The following CSMD1 variants were observed in gnomAD, a reference collection of about 807,000 sequenced individuals.
The protein encoded by CSMD1 is CUB and Sushi multiple domains 1, also known as CUB and sushi domain-containing protein 1.
A neutral mutation model predicts 417.5 loss-of-function variants in CSMD1; 213 were observed. The ratio of observed to expected loss-of-function variants is 0.51; its 90% confidence interval spans 0.46 to 0.57. CSMD1 has a LOEUF of 0.57. Among genes scored for constraint, CSMD1 ranks in the 20% least tolerant of loss-of-function variants. CSMD1 has a pLI of 0.00. For synonymous variants in CSMD1, 2,862 were observed against 1,736.8 expected (o/e 1.65, Z -16.11); for missense variants, 6,923 against 4,529.7 (o/e 1.53, Z -15.17).
intron 41 of CSMD1, 91 bp downstream of exon 41, chr8:3,142,374 G>A: frequency 8.9e-7 from 1 of 1,127,292 alleles, no homozygotes; most frequent in Non-Finnish European, 1.3e-6. Context: ...GTACAAGCTT[G>A]GAACCAGTTA....
chr8:3,728,033 C>T (rs1243159052), intron 6 of CSMD1, among the ~76,000 whole-genome samples: 1 of 152,124 alleles, frequency 6.6e-6, no homozygotes, highest in Non-Finnish European at 1.5e-5. Flanking sequence ...GTATTCAATG[C>T]CCCTGAATTG....
chr8:4,725,372 T>C (rs915072406), intron 1 of CSMD1, among the ~76,000 whole-genome samples: 2 of 152,178 alleles, frequency 1.3e-5, no homozygotes, highest in Admixed American at 6.6e-5. Flanking sequence ...TACATAATAG[T>C]AATGTTGTTT....
intron 4 of CSMD1, among the ~76,000 whole-genome samples, chr8:4,012,133 A>T (rs564707975): frequency 9.9e-5 from 15 of 152,136 alleles, no homozygotes; most frequent in Middle Eastern, 6.8e-3. Flanking sequence ...ATATATATAT[A>T]TTTTTCATCC....
intron 5 of CSMD1, among the ~76,000 whole-genome samples, chr8:3,970,060 A>C (rs1056880648): frequency 3.3e-5 from 5 of 152,200 alleles, no homozygotes; most frequent in African/African-American, 1.2e-4. Flanking sequence ...CAAACTACTA[A>C]GTAGTCTATG....
chr8:3,468,893 G>C (rs1430783318), intron 11 of CSMD1, 69 bp from the exon 12 acceptor site: 2 of 1,034,314 alleles, frequency 1.9e-6, no homozygotes, highest in East Asian at 2.6e-5. Context: ...CCTGAAAGGA[G>C]GGTCTTGCTG....
At chr8:3,434,296 T>C (rs184763451) in intron 12 of CSMD1, among the ~76,000 whole-genome samples, 1 of 152,214 alleles carries the variant, frequency 6.6e-6, no homozygotes, top group East Asian at 1.9e-4. Flanking sequence ...TAATCTCTAA[T>C]GCAAAACTCA....
intron 28 of CSMD1, among the ~76,000 whole-genome samples, chr8:3,222,877 G>A (rs1798295235): frequency 6.6e-6 from 1 of 152,168 alleles, no homozygotes; most frequent in Non-Finnish European, 1.5e-5. Flanking sequence ...ATCAGGAGGA[G>A]AAAGTGAGGG....
chr8:4,453,589 G>A (rs938303822), intron 2 of CSMD1, among the ~76,000 whole-genome samples: 2 of 152,050 alleles, frequency 1.3e-5, no homozygotes, highest in African/African-American at 4.8e-5. Context: ...TTGAACAATT[G>A]AACTGCTGTG....
intron 1 of CSMD1, among the ~76,000 whole-genome samples, chr8:4,730,719 C>A (rs187358845): frequency 1.3e-5 from 2 of 149,756 alleles, no homozygotes; most frequent in Non-Finnish European, 1.5e-5. Context: ...CCAGCCTGGG[C>A]GACAGAGCGA....
intron 3 of CSMD1, among the ~76,000 whole-genome samples, chr8:4,162,611 G>T (rs757621649): frequency 1.3e-5 from 2 of 151,852 alleles, no homozygotes; most frequent in Non-Finnish European, 2.9e-5. Flanking sequence ...GTTTTTCTAG[G>T]TTCACAAAAA....
At chr8:4,047,528 C>A (rs1798209955) in intron 3 of CSMD1, among the ~76,000 whole-genome samples, 1 of 151,684 alleles carries the variant, frequency 6.6e-6, no homozygotes, top group South Asian at 2.1e-4. Context: ...GTCATTCATT[C>A]ATTCATTCAT....
rs192563493 is a variant in CSMD1, at chr8:4,310,788, G to A, written c.415+109165C>T. ...GTGTCCATATACAGCCTTACCAAAG[G>A]AAGAAATTCACATTAGATCTCACCT... On this transcript the variant is annotated intron_variant, in intron 3 of 69. Coordinates refer to ENST00000635120, the MANE Select transcript of CSMD1 (RefSeq NM_033225.6). 3.4e-3 allele frequency among the ~76,000 whole-genome samples: 510 copies of A among 152,222 alleles called. 1 individual carries two copies. Among genetic ancestry groups the A allele is most frequent in the African/African-American group, 0.011 (473 of 41,516 alleles).
intron 2 of CSMD1, among the ~76,000 whole-genome samples, chr8:4,577,208 A>G (rs945076706): frequency 3.9e-5 from 6 of 152,140 alleles, no homozygotes; most frequent in African/African-American, 1.4e-4. Flanking sequence ...TGAATGTATC[A>G]AAATCAAATA....
At chr8:4,254,555 G>A (rs1803315597) in intron 3 of CSMD1, among the ~76,000 whole-genome samples, 1 of 152,076 alleles carries the variant, frequency 6.6e-6, no homozygotes, top group Non-Finnish European at 1.5e-5. Context: ...CTACAGTAGT[G>A]TACAGTCATG....
At chr8:4,756,168 G>A (rs890506201) in intron 1 of CSMD1, among the ~76,000 whole-genome samples, 1 of 152,108 alleles carries the variant, frequency 6.6e-6, no homozygotes, top group Non-Finnish European at 1.5e-5. Flanking sequence ...TTCTATAATT[G>A]CACACACATT....
At chr8:4,704,357 C>T (rs571209371) in intron 1 of CSMD1, among the ~76,000 whole-genome samples, 36 of 152,310 alleles carry the variant, frequency 2.4e-4, no homozygotes, top group Admixed American at 1.4e-3. Flanking sequence ...GACTTGATTA[C>T]AGTACTTATT....
At chr8:4,101,628 C>A (rs1237258979) in intron 3 of CSMD1, among the ~76,000 whole-genome samples, 1 of 152,146 alleles carries the variant, frequency 6.6e-6, no homozygotes. Context: ...TTCTGAAGTA[C>A]CTTGGCTCAT....
In CSMD1 at chr8:3,223,891, A is replaced by AG. The variant is rs562619883; in HGVS notation, c.4346-25dup. ...AGCTGTCACAGAACAAAAGTTACAG[A>AG]GAAAAAGTAAGGACAGCGAAGAACG... On this transcript the variant is annotated intron_variant, in intron 27 of 69. Transcript: ENST00000635120. The AG allele has an allele frequency of 1.0e-4, 165 of 1,612,740 alleles. No individual in the cohort carries two copies. The East Asian group carries it at 2.9e-3, about 29-fold the overall frequency.
intron 1 of CSMD1, among the ~76,000 whole-genome samples, chr8:4,913,210 G>T (rs905578543): frequency 1.3e-5 from 2 of 152,162 alleles, no homozygotes; most frequent in Non-Finnish European, 2.9e-5. Context: ...TAGTAGCGTT[G>T]CTGTTAGGTA....
Sources: gnomAD v4.1 joint callset for allele counts (sites outside exome capture counted in the v4.1 genomes callset) on GRCh38, gnomAD v4.1.1 for gene constraint, MANE v1.5 for transcripts, NCBI Gene and HGNC (gene_info 2026-07-23, HGNC 2026-07-21) for gene names.